The following MYO10 variants were observed in gnomAD, a reference collection of about 807,000 sequenced individuals.
MYO10 encodes myosin X.
Under a neutral mutation model 257.3 loss-of-function variants are expected in MYO10, and 133 were observed. The observed-to-expected ratio is 0.52, with a 90% CI of 0.45 to 0.60. MYO10 has a LOEUF of 0.60. Ranked by LOEUF, MYO10 falls within the 20% of genes least tolerant of loss-of-function variation. The probability of loss-of-function intolerance (pLI) is 0.00; values close to 1 mark genes in which losing one functional copy is unlikely to be tolerated. For synonymous variants in MYO10, 1,104 were observed against 1,028.6 expected (o/e 1.07, Z -1.40); for missense variants, 2,399 against 2,635.7 (o/e 0.91, Z 1.97).
intron 19 of MYO10, among the ~76,000 whole-genome samples, chr5:16,743,495 C>T (rs1028682615): frequency 4.6e-5 from 7 of 151,984 alleles, no homozygotes; most frequent in East Asian, 1.9e-4. Flanking sequence ...ATACAAAAAT[C>T]GGCCAGGCGT....
At chr5:16,760,151 C>A (rs1015503142) in intron 17 of MYO10, among the ~76,000 whole-genome samples, 2 of 151,886 alleles carry the variant, frequency 1.3e-5, no homozygotes, top group African/African-American at 4.8e-5. Context: ...TACAAAGCCT[C>A]CTAAAAATAG....
chr5:16,832,678 T>C (rs930823631), intron 2 of MYO10, among the ~76,000 whole-genome samples: 1 of 152,164 alleles, frequency 6.6e-6, no homozygotes, highest in African/African-American at 2.4e-5. Context: ...CCCTGTCTTC[T>C]CAGTCATAAG....
chr5:16,789,480 G>A (rs1375460711), intron 4 of MYO10, among the ~76,000 whole-genome samples: 1 of 152,190 alleles, frequency 6.6e-6, no homozygotes, highest in Non-Finnish European at 1.5e-5. Context: ...TTTGGAAGCT[G>A]TACCAGAAAG....
At chr5:16,884,074 A>C (rs1371199016) in intron 1 of MYO10, among the ~76,000 whole-genome samples, 1 of 152,150 alleles carries the variant, frequency 6.6e-6, no homozygotes, top group Non-Finnish European at 1.5e-5. Flanking sequence ...TTGCTCTTGA[A>C]ATGTGATCTG....
intron 35 of MYO10, 138 bp from the exon 36 acceptor site, chr5:16,674,027 C>T (rs1164564374): frequency 1.4e-6 from 1 of 704,884 alleles, no homozygotes; most frequent in African/African-American, 1.8e-5. Context: ...CCAGTGACTT[C>T]TTGGCAAGGG....
At chr5:16,848,632 C>T (rs1040445536) in intron 2 of MYO10, among the ~76,000 whole-genome samples, 4 of 151,980 alleles carry the variant, frequency 2.6e-5, no homozygotes, top group African/African-American at 4.8e-5. Flanking sequence ...AAACGCTCGT[C>T]GTTATGGCTG....
chr5:16,711,357 C>G (rs1223341517), intron 19 of MYO10, 112 bp from the exon 20 acceptor site: 3 of 1,115,110 alleles, frequency 2.7e-6, no homozygotes, highest in African/African-American at 3.2e-5. Flanking sequence ...AAAACACATA[C>G]GAGAATCTTG....
intron 2 of MYO10, among the ~76,000 whole-genome samples, chr5:16,843,070 T>A (rs939915187): frequency 1.1e-4 from 16 of 152,070 alleles, no homozygotes; most frequent in African/African-American, 2.9e-4. Flanking sequence ...TTCTGCTTCA[T>A]TCCTCCTGTT....
chr5:16,855,357 G>C (rs1039426046), intron 2 of MYO10, among the ~76,000 whole-genome samples: 1 of 152,074 alleles, frequency 6.6e-6, no homozygotes, highest in African/African-American at 2.4e-5. Flanking sequence ...GTCTACACTC[G>C]CTGGTGCTAC....
chr5:16,880,907 CTGA>C (rs1351761945), intron 1 of MYO10, among the ~76,000 whole-genome samples: 4 of 152,192 alleles, frequency 2.6e-5, no homozygotes, highest in African/African-American at 4.8e-5. Context: ...TTTCAAGTGC[CTGA>C]TGACTTTTTT....
chr5:16,878,962 T>C lies in MYO10; in HGVS notation c.22-1255A>G, dbSNP rs144050997. Among the ~76,000 whole-genome samples, 19 of 140,764 alleles carry C rather than the reference T, an allele frequency of 1.3e-4. No individual in the cohort carries two copies. In the East Asian group the frequency reaches 3.7e-3, roughly 27 times the overall value. The allele number at this position is 140,764 out of a possible 152,430, so 92.3% of individuals were successfully genotyped here. A position where few individuals can be genotyped will look rare whatever the true frequency, so the allele number is the denominator to read the frequency against. ...TATCCATGTAACTAAACACCACCTGTCCCCCCAAAAACTAATGAAATTTAA... is the reference window on the plus strand; with the variant it reads ...TATCCATGTAACTAAACACCACCTGCCCCCCCAAAAACTAATGAAATTTAA... On this transcript the variant is annotated intron_variant, in intron 1 of 40. Transcript: ENST00000513610.
intron 11 of MYO10, among the ~76,000 whole-genome samples, chr5:16,765,649 T>G (rs1740841103): frequency 6.6e-6 from 1 of 152,224 alleles, no homozygotes; most frequent in African/African-American, 2.4e-5. Context: ...TAATGTTTAT[T>G]TAGCACTTAC....
At chr5:16,679,524 G>GTGTTTTTTTTTTTTTTTTTTTTTTTTTTT in intron 33 of MYO10, among the ~76,000 whole-genome samples, 1 of 122,652 alleles carries the variant, frequency 8.2e-6, no homozygotes, top group African/African-American at 3.2e-5. Context: ...TTTTTTGGGT[G>GTGTTTTTTTTTTTTTTTTTTTTTTTTTTT]TTTTTTTTTT....
At chr5:16,796,526 A>G (rs138815535) in intron 3 of MYO10, among the ~76,000 whole-genome samples, 2 of 152,306 alleles carry the variant, frequency 1.3e-5, no homozygotes, top group African/African-American at 4.8e-5. Context: ...TAGAGGCTAC[A>G]GAGTTACCAA....
At chr5:16,759,186 G>A (rs1050894326) in intron 17 of MYO10, among the ~76,000 whole-genome samples, 14 of 152,296 alleles carry the variant, frequency 9.2e-5, no homozygotes, top group African/African-American at 3.4e-4. Flanking sequence ...GCCTCCCAAA[G>A]TGTTAGGATT....
At chr5:16,710,580 C>G (rs1012093498) in intron 21 of MYO10, 1 of 319,436 alleles carries the variant, frequency 3.1e-6, no homozygotes, top group East Asian at 6.3e-5. Context: ...TTTGTAGACA[C>G]TGGGGGCTGC....
At position 16,804,595 on chromosome 5, in the gene MYO10, G is replaced by A. The variant is rs577425679; in HGVS notation, c.280-9762C>T. ...ATTTCAAGAAAGACAAATTATGGTC[G>A]CGCGCAGAGGCTCCGGCCTGTAATC... On this transcript the variant is annotated intron_variant, in intron 3 of 40. Transcript: ENST00000513610. Among the ~76,000 whole-genome samples the A allele has an allele frequency of 2.5e-4, 38 of 152,254 alleles. No individual in the cohort carries two copies. The South Asian group carries it at 5.6e-3, about 22-fold the overall frequency.
intron 19 of MYO10, among the ~76,000 whole-genome samples, chr5:16,748,344 A>C (rs1340523156): frequency 6.6e-6 from 1 of 152,066 alleles, no homozygotes; most frequent in Non-Finnish European, 1.5e-5. Flanking sequence ...TCCTGGGTTC[A>C]AACAACTCTC....
At chr5:16,799,977 A>G (rs977807011) in intron 3 of MYO10, among the ~76,000 whole-genome samples, 6 of 152,186 alleles carry the variant, frequency 3.9e-5, no homozygotes, top group Admixed American at 3.9e-4. Context: ...ACCATCTTTC[A>G]GAAGAAAAGA....
Sources: allele counts gnomAD v4.1 joint callset (sites outside exome capture counted in the v4.1 genomes callset), GRCh38; gene constraint gnomAD v4.1.1; transcripts MANE v1.5; gene names NCBI Gene and HGNC (gene_info 2026-07-23, HGNC 2026-07-21).